PARP8: variants seen among roughly 807,000 people sequenced by gnomAD.
PARP8 encodes the protein protein mono-ADP-ribosyltransferase PARP8.
A neutral mutation model predicts 124.1 loss-of-function variants in PARP8; 51 were observed. That is an observed-to-expected ratio of 0.41 (90% confidence interval 0.33 to 0.52). The LOEUF (loss-of-function observed/expected upper bound fraction) is 0.52. Ranked by LOEUF, PARP8 falls within the 20% of genes least tolerant of loss-of-function variation. The pLI is 0.21. For synonymous variants in PARP8, 391 were observed against 361.5 expected (o/e 1.08, Z -0.93); for missense variants, 860 against 1,018.9 (o/e 0.84, Z 2.12).
At chr5:50,734,713 C>T (rs1757311422) in intron 2 of PARP8, among the ~76,000 whole-genome samples, 1 of 152,030 alleles carries the variant, frequency 6.6e-6, no homozygotes, top group Non-Finnish European at 1.5e-5. Context: ...GTCTGCTTTT[C>T]CCCCAAGTCT....
At chr5:50,775,094 G>T (rs1739828293) in intron 7 of PARP8, among the ~76,000 whole-genome samples, 1 of 151,852 alleles carries the variant, frequency 6.6e-6, no homozygotes, top group South Asian at 2.1e-4. Flanking sequence ...TGGCAGAGGG[G>T]CTCCTCACAT....
chr5:50,789,260 G>T (rs1026368033), intron 10 of PARP8, among the ~76,000 whole-genome samples: 2 of 151,898 alleles, frequency 1.3e-5, no homozygotes, highest in Non-Finnish European at 2.9e-5. Context: ...AACAGAAAAA[G>T]AAAACACTGA....
At chr5:50,714,093 TTTTTTTC>T (rs1278310239) in intron 2 of PARP8, among the ~76,000 whole-genome samples, 2 of 151,572 alleles carry the variant, frequency 1.3e-5, no homozygotes, top group African/African-American at 4.8e-5. Context: ...TCTTTTTTTT[TTTTTTTC>T]CCCAGAATTC....
intron 2 of PARP8, among the ~76,000 whole-genome samples, chr5:50,691,654 C>A (rs1468620599): frequency 1.3e-5 from 2 of 152,128 alleles, no homozygotes. Flanking sequence ...CCCTTTGTAA[C>A]TCTGTTGTTC....
At chr5:50,773,623 C>A (rs575791969) in intron 7 of PARP8, among the ~76,000 whole-genome samples, 20 of 152,128 alleles carry the variant, frequency 1.3e-4, no homozygotes, top group African/African-American at 4.8e-4. Context: ...TTGCTCAGTG[C>A]CTTGGCTATT....
intron 2 of PARP8, among the ~76,000 whole-genome samples, chr5:50,675,416 C>T (rs1312785358): frequency 7.2e-5 from 11 of 152,110 alleles, no homozygotes; most frequent in Admixed American, 5.9e-4. Context: ...ACGATTCTCC[C>T]GTCTCAGTCT....
At chr5:50,835,297 C>G (rs560564245) in intron 25 of PARP8, among the ~76,000 whole-genome samples, 2 of 152,222 alleles carry the variant, frequency 1.3e-5, no homozygotes, top group Non-Finnish European at 2.9e-5. Context: ...AATCCCAATA[C>G]TTTGGGAAGC....
chr5:50,800,535 T>C (rs1370895035), intron 14 of PARP8, among the ~76,000 whole-genome samples: 6 of 152,316 alleles, frequency 3.9e-5, no homozygotes, highest in African/African-American at 9.6e-5. Flanking sequence ...TCACTGTTTG[T>C]TGGGGATTTT....
chr5:50,778,656 TTTTA>T lies in PARP8; in HGVS notation c.670+10_670+13del. The T allele has an allele frequency of 6.4e-7, 1 of 1,550,916 alleles. No individual in the cohort carries two copies. Among genetic ancestry groups the T allele is most frequent in the South Asian group, 1.2e-5 (1 of 82,160 alleles). ...ACAGTATTTAAATGGCCCAGGTTAG[TTTTA>T]TTTCTTTATTTATTATTTTGAATAT... On this transcript the variant is annotated splice_region_variant and intron_variant, in intron 9 of 25. Transcript: ENST00000281631.
chr5:50,735,790 A>G (rs1757408504), intron 2 of PARP8, among the ~76,000 whole-genome samples: 1 of 152,018 alleles, frequency 6.6e-6, no homozygotes, highest in African/African-American at 2.4e-5. Flanking sequence ...ATTACAACTA[A>G]GAAAAGTTTT....
Position 50,671,365 on chromosome 5 carries a change from C to T in PARP8, c.146+3240C>T, listed in dbSNP as rs188158368. On this transcript the variant is annotated intron_variant, in intron 2 of 25. Coordinates refer to ENST00000281631, the MANE Select transcript of PARP8 (RefSeq NM_024615.4). Reference sequence around the variant, plus strand: ...TCCCTGGGGCCAGTGGTTACCAAAGCCAAGGAGAGAGCAAGTGGAGCCCAG... The same window carrying T: ...TCCCTGGGGCCAGTGGTTACCAAAGTCAAGGAGAGAGCAAGTGGAGCCCAG... Among the ~76,000 whole-genome samples, 141 of 152,204 alleles carry T rather than the reference C, an allele frequency of 9.3e-4. 1 individual carries two copies. The highest frequency in any genetic ancestry group is 1.6e-3 in the Non-Finnish European group (112 of 67,998).
intron 2 of PARP8, among the ~76,000 whole-genome samples, chr5:50,676,106 A>G (rs551412849): frequency 6.6e-6 from 1 of 152,364 alleles, no homozygotes; most frequent in East Asian, 1.9e-4. Flanking sequence ...ATGCATATCC[A>G]AGATGTGAGT....
At chr5:50,812,004 T>A (rs1744510838) in intron 14 of PARP8, among the ~76,000 whole-genome samples, 1 of 152,200 alleles carries the variant, frequency 6.6e-6, no homozygotes, top group Non-Finnish European at 1.5e-5. Flanking sequence ...GACATTTGGG[T>A]TGGTTCCAAG....
In PARP8 at chr5:50,739,374, C is replaced by T. The variant is rs116199466; in HGVS notation, c.147-10777C>T. ...CAGATTTATTCTGCTTTTACTCATT[C>T]GTTAATTTTTTTTGTGGGGGGATGG... On this transcript the variant is annotated intron_variant, in intron 2 of 25. Transcript: ENST00000281631. Among the ~76,000 whole-genome samples, 930 of 147,236 alleles carry T rather than the reference C, an allele frequency of 6.3e-3. 4 individuals are homozygous for T. Among genetic ancestry groups the T allele is most frequent in the Middle Eastern group, 0.031 (9 of 288 alleles).
At chr5:50,808,192 C>A (rs1307580471) in intron 14 of PARP8, among the ~76,000 whole-genome samples, 1 of 151,572 alleles carries the variant, frequency 6.6e-6, no homozygotes, top group Admixed American at 6.6e-5. Context: ...CCAGGGAGAT[C>A]AAAAATGCGT....
chr5:50,810,826 C>T (rs1643055362), intron 14 of PARP8, among the ~76,000 whole-genome samples: 2 of 151,990 alleles, frequency 1.3e-5, no homozygotes, highest in Non-Finnish European at 2.9e-5. Flanking sequence ...GCAAGAGATA[C>T]AGAATCATTA....
At chr5:50,739,168 G>T in intron 2 of PARP8, 1 of 665,520 alleles carries the variant, frequency 1.5e-6, no homozygotes, top group Admixed American at 2.0e-5. Flanking sequence ...TAGGACACAG[G>T]CTAGGTAACT....
At chr5:50,709,460 C>A (rs1754495610) in intron 2 of PARP8, among the ~76,000 whole-genome samples, 1 of 151,970 alleles carries the variant, frequency 6.6e-6, no homozygotes. Flanking sequence ...TTCACTGCTT[C>A]TGTTTCCTCC....
chr5:50,799,957 C>T (rs1292483682), intron 14 of PARP8, among the ~76,000 whole-genome samples: 1 of 152,178 alleles, frequency 6.6e-6, no homozygotes, highest in Non-Finnish European at 1.5e-5. Flanking sequence ...GCCTTCAAAA[C>T]TGTGAGAAAT....
Sources: gnomAD v4.1 joint callset for allele counts (sites outside exome capture counted in the v4.1 genomes callset) on GRCh38, gnomAD v4.1.1 for gene constraint, MANE v1.5 for transcripts, NCBI Gene and HGNC (gene_info 2026-07-23, HGNC 2026-07-21) for gene names.